The following KCNN3 variants were observed in gnomAD, a reference collection of about 807,000 sequenced individuals.
The protein encoded by KCNN3 is small conductance calcium-activated potassium channel protein 3.
A neutral mutation model predicts 62.9 loss-of-function variants in KCNN3; 16 were observed. That is an observed-to-expected ratio of 0.25 (90% CI 0.17 to 0.39). The LOEUF (loss-of-function observed/expected upper bound fraction) is 0.39, where lower values mean the gene tolerates loss of function less well. Ranked by LOEUF, KCNN3 falls within the 10% of genes least tolerant of loss-of-function variation. KCNN3 has a pLI of 1.00. For synonymous variants in KCNN3, 370 were observed against 389.2 expected, an observed-to-expected ratio of 0.95 and a Z score of 0.58; for missense variants, 599 against 949.4, an observed-to-expected ratio of 0.63 and a Z score of 4.85.
chr1:154,865,097 A>C (rs1306838330), intron 1 of KCNN3, among the ~76,000 whole-genome samples: 1 of 152,138 alleles, frequency 6.6e-6, no homozygotes, highest in Non-Finnish European at 1.5e-5. Flanking sequence ...AGGGGAGGGC[A>C]GCCAGGCCTT....
At position 154,869,842 on chromosome 1, in the gene KCNN3, C is replaced by T. The variant is rs1653112475; in HGVS notation, c.123G>A (p.Gln41=). The change falls in exon 1 of 8, where the codon CAG becomes CAA. Residue 41 remains glutamine (Q), a synonymous_variant. Transcript: ENST00000271915. The surrounding 1 kb of genome is among the most constrained non-coding windows in gnomAD (Gnocchi z 6.1). ...QQQQQQQQQQ[Q]PPPPAPPAAP... is the part of the protein sequence containing the mutation. ...CTGCTGGTGGCGCTGGCGGTGGTGG[C>T]TGCTGCTGCTGTTGCTGCTGCTGCT... The T allele has an allele frequency of 1.3e-6, 2 of 1,572,654 alleles. No individual in the cohort carries two copies. Among genetic ancestry groups the T allele is most frequent in the African/African-American group, 1.4e-5 (1 of 73,746 alleles).
chr1:154,729,963 A>G (rs147289710), intron 4 of KCNN3, among the ~76,000 whole-genome samples: 2 of 152,374 alleles, frequency 1.3e-5, no homozygotes, highest in East Asian at 1.9e-4. Flanking sequence ...TGAAGGGTCT[A>G]CAGAGAGAGT....
At chr1:154,738,642 G>A (rs759478472) in intron 3 of KCNN3, among the ~76,000 whole-genome samples, 4 of 152,216 alleles carry the variant, frequency 2.6e-5, no homozygotes, top group Admixed American at 2.6e-4. Context: ...GGCTGGAGCA[G>A]GTCAAGAGGC....
intron 3 of KCNN3, among the ~76,000 whole-genome samples, chr1:154,757,330 C>T (rs1171999239): frequency 6.6e-6 from 1 of 152,226 alleles, no homozygotes; most frequent in East Asian, 1.9e-4. Flanking sequence ...CCTCTTGTCT[C>T]TTTGAGTCCT....
intron 6 of KCNN3, among the ~76,000 whole-genome samples, chr1:154,714,516 T>C (rs1700181368): frequency 1.6e-5 from 2 of 124,228 alleles, no homozygotes; most frequent in Non-Finnish European, 3.3e-5. Flanking sequence ...GGTGTGTGTG[T>C]GTGGTGTTTG....
intron 1 of KCNN3, among the ~76,000 whole-genome samples, chr1:154,852,116 C>G (rs1487467527): frequency 6.6e-6 from 1 of 152,210 alleles, no homozygotes; most frequent in Admixed American, 6.5e-5. Context: ...ATTTTAAGTC[C>G]ATTTCATTTA....
At chr1:154,850,918 T>G (rs186874545) in intron 1 of KCNN3, among the ~76,000 whole-genome samples, 1 of 152,262 alleles carries the variant, frequency 6.6e-6, no homozygotes, top group Non-Finnish European at 1.5e-5. Context: ...CCAGTGACCT[T>G]CAGGGAGTCA....
chr1:154,781,469 CAG>C (rs1305848493), intron 2 of KCNN3, among the ~76,000 whole-genome samples: 4 of 152,214 alleles, frequency 2.6e-5, no homozygotes, highest in Non-Finnish European at 5.9e-5. Flanking sequence ...ACATGGGAAA[CAG>C]ACAAATTCAG....
intron 3 of KCNN3, among the ~76,000 whole-genome samples, chr1:154,760,923 G>A (rs899927695): frequency 6.6e-6 from 1 of 152,214 alleles, no homozygotes; most frequent in Non-Finnish European, 1.5e-5. Context: ...TGGCCGACGG[G>A]TCGGAAGAGA....
chr1:154,826,914 C>T (rs1037297065), intron 1 of KCNN3, among the ~76,000 whole-genome samples: 5 of 152,182 alleles, frequency 3.3e-5, no homozygotes, highest in Middle Eastern at 3.2e-3. Context: ...GATAATGATG[C>T]GCAGGCTCCT....
intron 1 of KCNN3, among the ~76,000 whole-genome samples, chr1:154,845,638 G>A (rs1441098674): frequency 6.6e-6 from 1 of 152,068 alleles, no homozygotes; most frequent in East Asian, 1.9e-4. Flanking sequence ...ATGGGGCCCT[G>A]CAAGGGGTTC....
At chr1:154,816,714 G>A (rs11802987) in intron 2 of KCNN3, among the ~76,000 whole-genome samples, 2,294 of 152,220 alleles carry the variant, frequency 0.015, 51 homozygotes, top group African/African-American at 0.052. Flanking sequence ...CCATGATGAC[G>A]TGCTTCCCAC....
chr1:154,758,544 AATGACC>A (rs1647844565), intron 3 of KCNN3, among the ~76,000 whole-genome samples: 1 of 152,212 alleles, frequency 6.6e-6, no homozygotes, highest in Non-Finnish European at 1.5e-5. Context: ...GGGAAAACAA[AATGACC>A]AGGTGTGTTA....
chr1:154,774,594 T>C (rs189199625), intron 2 of KCNN3, among the ~76,000 whole-genome samples: 1 of 152,354 alleles, frequency 6.6e-6, no homozygotes, highest in Admixed American at 6.5e-5. Flanking sequence ...GGAATGTTTA[T>C]CATCACACTA....
chr1:154,737,789 G>A (rs548183603), intron 3 of KCNN3, among the ~76,000 whole-genome samples: 2 of 152,214 alleles, frequency 1.3e-5, no homozygotes, highest in Non-Finnish European at 2.9e-5. Flanking sequence ...AGGCATTGTG[G>A]TGTGTGCCTG....
intron 6 of KCNN3, 54 bp downstream of exon 6, chr1:154,714,822 T>A (rs556303736): frequency 1.9e-6 from 3 of 1,609,834 alleles, no homozygotes; most frequent in Admixed American, 3.3e-5. Flanking sequence ...GTTGTAGGAG[T>A]CCCGCCACTC....
intron 1 of KCNN3, among the ~76,000 whole-genome samples, chr1:154,848,884 C>G (rs997687199): frequency 3.9e-5 from 6 of 152,240 alleles, no homozygotes; most frequent in Non-Finnish European, 7.3e-5. Context: ...GCAGCCCGAA[C>G]ACCCCCTCAG....
At chr1:154,748,329 C>T (rs913868538) in intron 3 of KCNN3, among the ~76,000 whole-genome samples, 4 of 152,174 alleles carry the variant, frequency 2.6e-5, no homozygotes, top group East Asian at 1.9e-4. Context: ...GAGCCTTTCC[C>T]GACATCTGCC....
At position 154,848,272 on chromosome 1, in the gene KCNN3, C is replaced by A. The variant is rs142112042; in HGVS notation, c.933+20760G>T. Among the ~76,000 whole-genome samples the A allele has an allele frequency of 4.2e-3, 641 of 152,308 alleles. 5 individuals are homozygous for A. Among genetic ancestry groups the A allele is most frequent in the African/African-American group, 0.015 (610 of 41,546 alleles). ...CGACAGTCACTTCGAGCCTCACACA[C>A]AACTCAGATACCCAGGATGGAGAAA... On this transcript the variant is annotated intron_variant, in intron 1 of 7. Transcript: ENST00000271915.
Sources: gnomAD v4.1 joint callset for allele counts (sites outside exome capture counted in the v4.1 genomes callset) on GRCh38, gnomAD v4.1.1 for gene constraint, Gnocchi (gnomAD v3.1) non-coding constraint, MANE v1.5 for transcripts, NCBI Gene and HGNC (gene_info 2026-07-23, HGNC 2026-07-21) for gene names.